PROCR: variants seen among roughly 807,000 people sequenced by gnomAD.
PROCR encodes endothelial protein C receptor.
In PROCR, 22 loss-of-function variants were observed where a neutral mutation model predicts 24.2. The observed-to-expected ratio is 0.91, with a 90% confidence interval of 0.65 to 1.30. PROCR has a LOEUF of 1.30. PROCR is among the 50% of genes most tolerant of loss of function. The pLI is 0.00. For missense variants in PROCR, 288 were observed against 307.7 expected (o/e 0.94, Z 0.48); for synonymous variants, 137 against 139.2 (o/e 0.98, Z 0.11).
At chr20:35,193,009 G>T (rs180930116) in intron 1 of PROCR, among the ~76,000 whole-genome samples, 16 of 152,046 alleles carry the variant, frequency 1.1e-4, no homozygotes, top group African/African-American at 3.6e-4. Flanking sequence ...TTGATCAAAA[G>T]AAGCCAAACA....
downstream of PROCR, among the ~76,000 whole-genome samples, chr20:35,178,805 G>A (rs1716041477): frequency 6.8e-6 from 1 of 148,078 alleles, no homozygotes. Context: ...GTGAGCCACC[G>A]CGCCCGGCCT....
At chr20:35,206,287 ACATAGTGAAACCT>A (rs1323556748) in intron 1 of PROCR, among the ~76,000 whole-genome samples, 1 of 151,716 alleles carries the variant, frequency 6.6e-6, no homozygotes, top group African/African-American at 2.4e-5. Context: ...AGCCTGGCCA[ACATAGTGAAACCT>A]CGTCTCTACT....
At chr20:35,174,425 G>T in intron 1 of PROCR, 1 of 509,030 alleles carries the variant, frequency 2.0e-6, no homozygotes, top group Non-Finnish European at 3.6e-6. Context: ...GGAAACGGGG[G>T]GAGGGAGAGC....
At chr20:35,194,013 G>T (rs917536679) in intron 1 of PROCR, among the ~76,000 whole-genome samples, 24 of 152,124 alleles carry the variant, frequency 1.6e-4, no homozygotes, top group Admixed American at 6.6e-5. Context: ...CTGAGAGAGT[G>T]GAATCTCAGA....
chr20:35,192,365 G>A (rs1352465624), intron 1 of PROCR, among the ~76,000 whole-genome samples: 1 of 151,958 alleles, frequency 6.6e-6, no homozygotes, highest in East Asian at 1.9e-4. Flanking sequence ...CTTGAGTGGG[G>A]CAGCTGGCCA....
rs986635324 is a variant in PROCR at position 35,172,210 on chromosome 20, A to G, written c.56A>G (p.Gln19Arg). 1.2e-6 allele frequency: 2 copies of G among 1,614,096 alleles called. No homozygotes were observed. The highest frequency in any genetic ancestry group is 1.3e-5 in the African/African-American group (1 of 74,942). ...CTGTCTGGCTGGGCCTTTTGTAGCC[A>G]AGACGCCTCAGATGGTGAGTCGGGG... ...LLLSGWAFCS[Q>R]DASDGLQRLH... is the part of the protein sequence containing the mutation. The change falls in exon 1 of 4, where the codon CAA becomes CGA. Residue 19 changes from glutamine to arginine, a missense_variant. Gln to Arg is a conservative substitution (Grantham distance 43, BLOSUM62 1). Transcript: ENST00000216968.
intron 1 of PROCR, among the ~76,000 whole-genome samples, chr20:35,203,795 G>A (rs1156814586): frequency 6.6e-6 from 1 of 151,970 alleles, no homozygotes; most frequent in African/African-American, 2.4e-5. Flanking sequence ...AATGCAGCGT[G>A]TACAGGAACA....
chr20:35,181,600 C>T (rs375558793), downstream of PROCR, among the ~76,000 whole-genome samples: 11 of 152,306 alleles, frequency 7.2e-5, no homozygotes, highest in African/African-American at 2.6e-4. Flanking sequence ...TACCATTTCT[C>T]TTTAGCCACT....
In PROCR at chr20:35,176,928, G is replaced by A. The variant is rs187874794; in HGVS notation, c.*115G>A. The A allele has an allele frequency of 1.3e-6, 2 of 1,533,554 alleles. No homozygotes were observed. The highest frequency in any genetic ancestry group is 2.0e-5 in the Admixed American group (1 of 50,468). 95.0% of individuals were successfully genotyped at this position (1,533,554 alleles called of 1,614,324 possible). A position where few individuals can be genotyped will look rare whatever the true frequency, so the allele number is the denominator to read the frequency against. On this transcript the variant is annotated 3_prime_UTR_variant, in exon 4 of 4. Coordinates refer to ENST00000216968, the MANE Select transcript of PROCR (RefSeq NM_006404.5). ...AAACACCAGAAGGTTTGGAGTGACA[G>A]CTCCTTTCTTCTCCCACATCTGCCC...
At position 35,176,175 on chromosome 20, in the gene PROCR, G is replaced by A. The variant is rs372306632; in HGVS notation, c.330G>A (p.Leu110=). 9 of 1,613,802 alleles carry A rather than the reference G, an allele frequency of 5.6e-6. No homozygotes were observed. The highest frequency in any genetic ancestry group is 2.7e-5 in the African/African-American group (2 of 74,874). The part of the protein sequence containing the change: ...VHQERTLAFP[L]TIRCFLGCEL... ...CTGACTGTCTATCCACAGTTCCTCT[G>A]ACCATCCGCTGCTTCCTGGGCTGTG... The change falls in exon 3 of 4, where the codon CTG becomes CTA. Residue 110 remains leucine (L), a synonymous_variant. Transcript: ENST00000216968.
At chr20:35,201,580 C>T (rs1252039747) in intron 1 of PROCR, among the ~76,000 whole-genome samples, 2 of 151,818 alleles carry the variant, frequency 1.3e-5, no homozygotes, top group Non-Finnish European at 2.9e-5. Context: ...CCCAGCTACT[C>T]GGGAGGCTGA....
intron 1 of PROCR, among the ~76,000 whole-genome samples, chr20:35,210,781 C>T (rs961503261): frequency 4.0e-5 from 6 of 148,172 alleles, no homozygotes; most frequent in African/African-American, 7.5e-5. Flanking sequence ...GGTGTGATCT[C>T]GGCTCACTGC....
At chr20:35,180,893 GTC>G (rs1568593305), downstream of PROCR, among the ~76,000 whole-genome samples, 1 of 152,020 alleles carries the variant, frequency 6.6e-6, no homozygotes, top group Non-Finnish European at 1.5e-5. Flanking sequence ...TTGAGACAGA[GTC>G]TCTCTCTGTC....
At chr20:35,213,503 C>CT (rs538733068) in intron 1 of PROCR, among the ~76,000 whole-genome samples, 24 of 150,792 alleles carry the variant, frequency 1.6e-4, no homozygotes, top group South Asian at 8.4e-4. Context: ...TTTATTTCTG[C>CT]TTTTTTTTTG....
rs75662404 is a variant in PROCR at position 35,183,401 on chromosome 20, G to A, written c.94+6955G>A. Among the ~76,000 whole-genome samples the A allele has an allele frequency of 4.4e-3, 668 of 152,160 alleles. 2 individuals are homozygous for A. Among genetic ancestry groups the A allele is most frequent in the African/African-American group, 0.015 (636 of 41,520 alleles). On this transcript the variant is annotated intron_variant, in intron 1 of 1. Coordinates refer to the PROCR transcript ENST00000634509. The stretch of plus-strand genomic sequence containing the variant: ...TCTGAGACCTCCCCTCCTCTTTCTT[G>A]CTTCCTTCTGTCTCATCTTATATGC...
In PROCR at chr20:35,174,954, G is replaced by GT. The variant is rs776825163; in HGVS notation, c.322+2dup. The GT allele has an allele frequency of 2.6e-5, 39 of 1,497,836 alleles. No individual in the cohort carries two copies. Among genetic ancestry groups the GT allele is most frequent in the Non-Finnish European group, 3.5e-5 (39 of 1,117,378 alleles). 92.8% of individuals were successfully genotyped at this position (1,497,836 alleles called of 1,614,324 possible). ...GTGCACCAGGAGCGGACCTTGGCCT[G>GT]TGAGTAGGCGCGCAGCGGGGGCGGG... On this transcript the variant is annotated splice_donor_variant, in intron 2 of 3. Coordinates refer to ENST00000216968, the MANE Select transcript of PROCR (RefSeq NM_006404.5). LOFTEE classifies it high-confidence loss of function.
intron 1 of PROCR, among the ~76,000 whole-genome samples, chr20:35,193,835 A>G (rs1251842298): frequency 6.6e-6 from 1 of 152,240 alleles, no homozygotes. Flanking sequence ...AGAGCTCACT[A>G]TATAGATAAC....
chr20:35,214,988 C>T (rs926467619), intron 1 of PROCR, among the ~76,000 whole-genome samples: 4 of 146,996 alleles, frequency 2.7e-5, no homozygotes, highest in Admixed American at 1.4e-4. Flanking sequence ...CTCACTGCAA[C>T]CTCTGTCTCC....
chr20:35,185,083 A>C (rs2086112743), intron 1 of PROCR, among the ~76,000 whole-genome samples: 1 of 152,126 alleles, frequency 6.6e-6, no homozygotes. Context: ...TAAGGAGATG[A>C]ATAGACAATT....
Sources: allele counts gnomAD v4.1 joint callset (sites outside exome capture counted in the v4.1 genomes callset), GRCh38; gene constraint gnomAD v4.1.1; transcripts MANE v1.5; gene names NCBI Gene and HGNC (gene_info 2026-07-23, HGNC 2026-07-21).